RASSF5: variants seen among roughly 807,000 people sequenced by gnomAD.
RASSF5 encodes Ras association domain family member 5.
RASSF5 carries 25 observed loss-of-function variants against 40.5 expected under a neutral mutation model. That is an observed-to-expected ratio of 0.62 (90% CI 0.45 to 0.86). The LOEUF (loss-of-function observed/expected upper bound fraction) is 0.86. RASSF5 is among the 40% of genes least tolerant of loss of function. RASSF5 has a pLI of 0.00. For missense variants in RASSF5, 521 were observed against 572.8 expected, an observed-to-expected ratio of 0.91 and a Z score of 0.92; for synonymous variants, 246 against 252.4, an observed-to-expected ratio of 0.97 and a Z score of 0.24.
At chr1:206,539,771 T>C (rs1667500116) in intron 2 of RASSF5, among the ~76,000 whole-genome samples, 1 of 152,198 alleles carries the variant, frequency 6.6e-6, no homozygotes, top group African/African-American at 2.4e-5. Flanking sequence ...GCAATGCAGA[T>C]GTTTCCTGAA....
Position 206,560,270 on chromosome 1 carries a change from G to C in RASSF5, c.579+21977G>C, listed in dbSNP as rs1344392742. Among the ~76,000 whole-genome samples the C allele has an allele frequency of 6.6e-6, 1 of 152,206 alleles. No individual in the cohort carries two copies. The highest frequency in any genetic ancestry group is 1.5e-5 in the Non-Finnish European group (1 of 68,032). ...TGCCTGGCTAGAACAGAGCTTCAGG[G>C]AAGCCTCACTGCTGTGCGATGCCAC... On this transcript the variant is annotated intron_variant, in intron 2 of 5. Transcript: ENST00000579436. The surrounding 1 kb of genome is among the most constrained non-coding windows in gnomAD (Gnocchi z 5.1).
chr1:206,529,603 T>C lies in RASSF5; in HGVS notation c.458-8569T>C, dbSNP rs554966853. The C allele has an allele frequency of 3.0e-5, 23 of 775,362 alleles. No individual in the cohort carries two copies. The East Asian group carries it at 5.6e-4, about 19-fold the overall frequency. The allele number at this position is 775,362 out of a possible 1,614,324, so 48.0% of individuals were successfully genotyped here. On this transcript the variant is annotated intron_variant, in intron 1 of 5. Transcript: ENST00000579436. ...GATTACAATGACAGATACAATGACATCCACTGTCACTGGGGCGGCAATGTC... is the reference window on the plus strand; with the variant it reads ...GATTACAATGACAGATACAATGACACCCACTGTCACTGGGGCGGCAATGTC...
chr1:206,589,121 C>T lies in RASSF5; in HGVS notation c.*2143C>T, dbSNP rs1669256427. The T allele has an allele frequency of 1.3e-5, 2 of 152,688 alleles. No homozygotes were observed. The highest frequency in any genetic ancestry group is 4.8e-5 in the African/African-American group (2 of 41,408). 9.5% of individuals were successfully genotyped at this position (152,688 alleles called of 1,614,324 possible). ...TCTGAAAAAAGTATAGTATCGAGTA[C>T]CCGTTCCCTCCCAGAGGTGGGAGTA... On this transcript the variant is annotated 3_prime_UTR_variant, in exon 6 of 6. Coordinates refer to ENST00000579436, the MANE Select transcript of RASSF5 (RefSeq NM_182663.4).
At chr1:206,532,757 C>T (rs781846245) in intron 1 of RASSF5, among the ~76,000 whole-genome samples, 11 of 152,138 alleles carry the variant, frequency 7.2e-5, no homozygotes, top group African/African-American at 1.2e-4. Flanking sequence ...CCTTGGTGCC[C>T]GCCTGGCCCT....
intron 1 of RASSF5, among the ~76,000 whole-genome samples, chr1:206,508,846 C>G (rs533047107): frequency 1.3e-5 from 2 of 152,078 alleles, no homozygotes; most frequent in African/African-American, 4.8e-5. Context: ...CTGAGCCAGG[C>G]GCTTCTCAAA....
chr1:206,582,200 G>A (rs549454933), intron 2 of RASSF5, among the ~76,000 whole-genome samples: 1 of 152,346 alleles, frequency 6.6e-6, no homozygotes, highest in South Asian at 2.1e-4. Flanking sequence ...CTGAGGGACA[G>A]TGGCTTCGAC....
intron 2 of RASSF5, among the ~76,000 whole-genome samples, chr1:206,570,872 G>A (rs909669838): frequency 1.3e-5 from 2 of 152,138 alleles, no homozygotes; most frequent in East Asian, 1.9e-4. Flanking sequence ...ACTGTGAATC[G>A]TGCCGCTGCA....
At position 206,588,278 on chromosome 1, in the gene RASSF5, C is replaced by T. The variant is rs1329270993; in HGVS notation, c.*1300C>T. On this transcript the variant is annotated 3_prime_UTR_variant, in exon 6 of 6. Coordinates refer to ENST00000579436, the MANE Select transcript of RASSF5 (RefSeq NM_182663.4). ...TCAGTATGGGTTGAGGGTCACAGAC[C>T]TCCCTCCCATCTGGGTGCCTGAGTT... 1 of 152,646 alleles carries T rather than the reference C, an allele frequency of 6.6e-6. No individual in the cohort carries two copies. Among genetic ancestry groups the T allele is most frequent in the African/African-American group, 2.4e-5 (1 of 41,424 alleles). The allele number at this position is 152,646 out of a possible 1,614,324, so 9.5% of individuals were successfully genotyped here.
chr1:206,574,853 C>CTTTTTT (rs71570015), intron 2 of RASSF5, among the ~76,000 whole-genome samples: 19 of 86,106 alleles, frequency 2.2e-4, no homozygotes, highest in Middle Eastern at 7.7e-3. Flanking sequence ...GGACCAATGA[C>CTTTTTT]TTTTTTTTTT....
intron 2 of RASSF5, among the ~76,000 whole-genome samples, chr1:206,569,179 T>G (rs1475399845): frequency 4.6e-5 from 7 of 152,218 alleles, no homozygotes; most frequent in African/African-American, 1.7e-4. Flanking sequence ...ACACATTTAT[T>G]TAACGTGTAT....
At position 206,560,549 on chromosome 1, in the gene RASSF5, CCA is replaced by C. The variant is rs1433332888; in HGVS notation, c.579+22259_579+22260del. Among the ~76,000 whole-genome samples the C allele has an allele frequency of 2.6e-5, 4 of 152,152 alleles. No homozygotes were observed. The highest frequency in any genetic ancestry group is 2.9e-5 in the Non-Finnish European group (2 of 68,028). On this transcript the variant is annotated intron_variant, in intron 2 of 5. Transcript: ENST00000579436. This position sits in a 1 kb window ranked among gnomAD's most constrained non-coding sequence, Gnocchi z 5.1. ...GCCGGGGACTTGGTTTTGAATCATA[CCA>C]CAGTTTTAGGAGGCTGAGGCAGTAC...
chr1:206,516,104 T>C (rs1345984353), intron 1 of RASSF5, among the ~76,000 whole-genome samples: 36 of 152,204 alleles, frequency 2.4e-4, no homozygotes, highest in Admixed American at 2.4e-3. Flanking sequence ...AGGTTGTTGC[T>C]TCAAATTATG....
intron 1 of RASSF5, among the ~76,000 whole-genome samples, chr1:206,508,916 G>A (rs559695383): frequency 6.6e-6 from 1 of 152,142 alleles, no homozygotes; most frequent in Non-Finnish European, 1.5e-5. Flanking sequence ...AGTCTCCTTG[G>A]GGGTTTATTA....
At chr1:206,569,080 G>T (rs1668367038) in intron 2 of RASSF5, among the ~76,000 whole-genome samples, 1 of 152,266 alleles carries the variant, frequency 6.6e-6, no homozygotes, top group Non-Finnish European at 1.5e-5. Context: ...ACCTCCTGTA[G>T]GGGCCAAGGC....
chr1:206,529,371 G>A, intron 1 of RASSF5: 1 of 756,136 alleles, frequency 1.3e-6, no homozygotes, highest in Non-Finnish European at 2.4e-6. Flanking sequence ...TCAGCTGGTG[G>A]TGATTGCACA....
intron 2 of RASSF5, chr1:206,541,732 A>G (rs537326753): frequency 6.6e-6 from 1 of 152,274 alleles, no homozygotes; most frequent in Non-Finnish European, 1.5e-5. Flanking sequence ...AGTTACCCAA[A>G]CAGCTGCAGT....
At position 206,589,053 on chromosome 1, in the gene RASSF5, C is replaced by A. The variant is rs2102268010; in HGVS notation, c.*2075C>A. ...AAATTATTGGACAATTCAGACTTTA[C>A]TAAAGCACAGTTAGACCCAAGGCCT... On this transcript the variant is annotated 3_prime_UTR_variant, in exon 6 of 6. Transcript: ENST00000579436. The A allele has an allele frequency of 6.5e-6, 1 of 152,856 alleles. No individual in the cohort carries two copies. Among genetic ancestry groups the A allele is most frequent in the East Asian group, 1.9e-4 (1 of 5,326 alleles). The allele number at this position is 152,856 out of a possible 1,614,324, so 9.5% of individuals were successfully genotyped here.
At chr1:206,526,665 C>T (rs1419895257) in intron 1 of RASSF5, among the ~76,000 whole-genome samples, 5 of 152,170 alleles carry the variant, frequency 3.3e-5, no homozygotes, top group Non-Finnish European at 4.4e-5. Flanking sequence ...ATCCTTCCAG[C>T]CCCCCTGCCT....
intron 2 of RASSF5, chr1:206,580,989 T>C (rs1215472462): frequency 6.6e-6 from 1 of 152,210 alleles, no homozygotes; most frequent in Non-Finnish European, 1.5e-5. Context: ...GTTTCAGTGA[T>C]CATTATGGGT....
Sources: allele counts gnomAD v4.1 joint callset (sites outside exome capture counted in the v4.1 genomes callset), GRCh38; gene constraint gnomAD v4.1.1; non-coding constraint Gnocchi (gnomAD v3.1); transcripts MANE v1.5; gene names NCBI Gene and HGNC (gene_info 2026-07-23, HGNC 2026-07-21).